The following IFT43 variants were observed in gnomAD, a reference collection of about 807,000 sequenced individuals.
IFT43 encodes intraflagellar transport protein 43 homolog.
In IFT43, 33 loss-of-function variants were observed where a neutral mutation model predicts 32.3. The observed-to-expected ratio is 1.02, with a 90% CI of 0.77 to 1.37. IFT43 has a LOEUF of 1.37. Ranked by LOEUF, IFT43 falls within the 40% of genes most tolerant of loss-of-function variation. IFT43 has a pLI of 0.00. For missense variants in IFT43, 274 were observed against 265.9 expected (o/e 1.03, Z -0.21); for synonymous variants, 93 against 98.2 (o/e 0.95, Z 0.31).
At chr14:76,040,019 C>A (rs1457882284) in intron 3 of IFT43, among the ~76,000 whole-genome samples, 1 of 152,210 alleles carries the variant, frequency 6.6e-6, no homozygotes, top group Non-Finnish European at 1.5e-5. Context: ...GTGGCGTGAT[C>A]ATGGGTCACT....
chr14:75,989,506 A>C (rs557613969), intron 2 of IFT43, among the ~76,000 whole-genome samples: 1 of 152,114 alleles, frequency 6.6e-6, no homozygotes, highest in Non-Finnish European at 1.5e-5. Flanking sequence ...TTTTACTGCC[A>C]GGGCACTACT....
chr14:76,040,013 C>A (rs1393375979), intron 3 of IFT43, among the ~76,000 whole-genome samples: 1 of 152,160 alleles, frequency 6.6e-6, no homozygotes, highest in African/African-American at 2.4e-5. Flanking sequence ...AGTGAGGTGG[C>A]GTGATCATGG....
At chr14:76,083,827 A>G, downstream of IFT43, 1 of 637,720 alleles carries the variant, frequency 1.6e-6, no homozygotes. Flanking sequence ...ATAGGAACTC[A>G]GAACTCGCGG....
intron 2 of IFT43, among the ~76,000 whole-genome samples, chr14:75,999,178 C>T (rs1345614773): frequency 2.3e-5 from 2 of 88,468 alleles, no homozygotes; most frequent in African/African-American, 9.2e-5. Flanking sequence ...TTGCTTTGCC[C>T]ATTCATTCAT....
At chr14:76,024,711 C>T (rs1242588751) in intron 3 of IFT43, among the ~76,000 whole-genome samples, 1 of 152,206 alleles carries the variant, frequency 6.6e-6, no homozygotes, top group African/African-American at 2.4e-5. Context: ...CTGTAAATGG[C>T]ATCTATAGTA....
chr14:76,068,647 C>G (rs1023583554), intron 5 of IFT43, among the ~76,000 whole-genome samples: 1 of 152,208 alleles, frequency 6.6e-6, no homozygotes, highest in African/African-American at 2.4e-5. Context: ...TCCATTCTTG[C>G]TCTTGGAATC....
At chr14:76,002,076 C>T (rs1484460341) in intron 2 of IFT43, among the ~76,000 whole-genome samples, 1 of 152,106 alleles carries the variant, frequency 6.6e-6, no homozygotes, top group Non-Finnish European at 1.5e-5. Context: ...GGTGAAACCC[C>T]ATCTCTACTA....
At chr14:76,032,209 T>C (rs2139984972) in intron 3 of IFT43, among the ~76,000 whole-genome samples, 1 of 152,318 alleles carries the variant, frequency 6.6e-6, no homozygotes, top group Non-Finnish European at 1.5e-5. Context: ...GCAAACCCTG[T>C]TAGGTCTACT....
At chr14:76,060,766 A>G (rs959231905) in intron 5 of IFT43, among the ~76,000 whole-genome samples, 1 of 151,554 alleles carries the variant, frequency 6.6e-6, no homozygotes, top group Non-Finnish European at 1.5e-5. Context: ...TAGCATTTTA[A>G]ATAGTTATTT....
chr14:75,991,710 C>T (rs879238496), intron 2 of IFT43, among the ~76,000 whole-genome samples: 37 of 152,210 alleles, frequency 2.4e-4, no homozygotes, highest in African/African-American at 8.2e-4. Flanking sequence ...CTACTTATTT[C>T]GAGGTTTACC....
intron 2 of IFT43, among the ~76,000 whole-genome samples, chr14:76,008,425 T>G (rs79439968): frequency 0.015 from 2,235 of 152,034 alleles, 57 homozygotes; most frequent in African/African-American, 0.051. Flanking sequence ...TTATGAGGAG[T>G]CTACTCTATG....
In IFT43 at chr14:76,022,331, C is replaced by G. The variant is rs1214729797; in HGVS notation, c.152C>G (p.Ser51Cys). Reference sequence around the variant, plus strand: ...TTGACTTCTCTTTCCTTGTAGACTTCCTCTGCTAAATTACCTCGCTGCCGA... The same window carrying G: ...TTGACTTCTCTTTCCTTGTAGACTTGCTCTGCTAAATTACCTCGCTGCCGA... ...NSSLTLTGET[S>C]SAKLPRCRQG... The change falls in exon 3 of 9, where the codon TCC becomes TGC. Residue 51 changes from serine (S) to cysteine (C), a missense_variant. Ser to Cys is a moderately radical substitution (Grantham distance 112). Coordinates refer to ENST00000314067, the MANE Select transcript of IFT43 (RefSeq NM_001102564.3). 2 of 1,613,044 alleles carry G rather than the reference C, an allele frequency of 1.2e-6. No individual in the cohort carries two copies. Among genetic ancestry groups the G allele is most frequent in the African/African-American group, 2.7e-5 (2 of 74,870 alleles).
chr14:76,019,904 G>C (rs571030918), intron 2 of IFT43, among the ~76,000 whole-genome samples: 1 of 150,602 alleles, frequency 6.6e-6, no homozygotes, highest in African/African-American at 2.4e-5. Flanking sequence ...ATTTCTATTT[G>C]GTTCTTTTTT....
At chr14:76,003,615 G>C (rs1342647798) in intron 2 of IFT43, among the ~76,000 whole-genome samples, 1 of 150,854 alleles carries the variant, frequency 6.6e-6, no homozygotes, top group East Asian at 2.0e-4. Flanking sequence ...CTGGGCTACA[G>C]AGCGAGACTC....
intron 2 of IFT43, among the ~76,000 whole-genome samples, chr14:76,006,609 T>A (rs1442871731): frequency 1.3e-5 from 2 of 152,186 alleles, no homozygotes; most frequent in African/African-American, 4.8e-5. Context: ...GGACCATTTC[T>A]TATCCCGGTT....
chr14:75,987,519 G>A (rs2035552596), intron 1 of IFT43, among the ~76,000 whole-genome samples: 1 of 152,088 alleles, frequency 6.6e-6, no homozygotes, highest in Non-Finnish European at 1.5e-5. Context: ...TTGCTCCTAG[G>A]TTTATGTCAG....
chr14:76,082,484 C>A, intron 6 of IFT43, 117 bp downstream of exon 6: 1 of 1,248,770 alleles, frequency 8.0e-7, no homozygotes, highest in Non-Finnish European at 1.2e-6. Context: ...GGGCTCCATC[C>A]AGGGTTCCCA....
chr14:76,035,295 T>C (rs1028569902), intron 3 of IFT43, among the ~76,000 whole-genome samples: 3 of 152,192 alleles, frequency 2.0e-5, no homozygotes, highest in Non-Finnish European at 2.9e-5. Flanking sequence ...CATCTCACTC[T>C]CCTCACATAA....
intron 5 of IFT43, among the ~76,000 whole-genome samples, chr14:76,072,928 C>T (rs2037346687): frequency 6.6e-6 from 1 of 152,174 alleles, no homozygotes; most frequent in South Asian, 2.1e-4. Flanking sequence ...GAGGCACGAG[C>T]ACTTCTCCAC....
Sources: gnomAD v4.1 joint callset for allele counts (sites outside exome capture counted in the v4.1 genomes callset) on GRCh38, gnomAD v4.1.1 for gene constraint, MANE v1.5 for transcripts, NCBI Gene and HGNC (gene_info 2026-07-23, HGNC 2026-07-21) for gene names.